DMRT1: variants seen among roughly 807,000 people sequenced by gnomAD.
The protein encoded by DMRT1 is doublesex and mab-3 related transcription factor 1, also known as doublesex- and mab-3-related transcription factor 1.
DMRT1 carries 7 observed loss-of-function variants against 32.3 expected under a neutral mutation model. The observed-to-expected ratio is 0.22, with a 90% CI of 0.12 to 0.41. The LOEUF is 0.41. DMRT1 is among the 10% of genes least tolerant of loss of function. DMRT1 has a pLI of 1.00. For missense variants in DMRT1, 625 were observed against 500.5 expected (o/e 1.25, Z -2.37); for synonymous variants, 278 against 206.1 (o/e 1.35, Z -2.99).
chr9:919,287 T>A (rs1250421585), intron 4 of DMRT1, among the ~76,000 whole-genome samples: 1 of 152,184 alleles, frequency 6.6e-6, no homozygotes, highest in Non-Finnish European at 1.5e-5. Flanking sequence ...CCATTAAATC[T>A]ATGTTCTTCA....
chr9:874,855 T>A (rs979041169), intron 2 of DMRT1, among the ~76,000 whole-genome samples: 1 of 140,382 alleles, frequency 7.1e-6, no homozygotes, highest in African/African-American at 2.7e-5. Context: ...TCACCCCAGC[T>A]GGAGTGCAGT....
intron 2 of DMRT1, among the ~76,000 whole-genome samples, chr9:879,584 G>C (rs1191721727): frequency 6.6e-6 from 1 of 152,148 alleles, no homozygotes; most frequent in Non-Finnish European, 1.5e-5. Flanking sequence ...TTACATCATT[G>C]TCACTATTCT....
intron 2 of DMRT1, among the ~76,000 whole-genome samples, chr9:869,810 C>G (rs1460618331): frequency 3.3e-5 from 5 of 152,152 alleles, no homozygotes; most frequent in Admixed American, 6.5e-5. Flanking sequence ...CTTTTCTCCT[C>G]TTCTCCCCAT....
intron 1 of DMRT1, among the ~76,000 whole-genome samples, chr9:844,608 C>CT (rs58788703): frequency 6.6e-6 from 1 of 150,968 alleles, no homozygotes; most frequent in Non-Finnish European, 1.5e-5. Flanking sequence ...AAGTCGAAGA[C>CT]TTTTTTTTGG....
intron 1 of DMRT1, among the ~76,000 whole-genome samples, chr9:844,748 T>A (rs1838831445): frequency 1.4e-5 from 2 of 142,100 alleles, no homozygotes; most frequent in Admixed American, 7.4e-5. Flanking sequence ...GAGACAGGAG[T>A]CTCGCTCTGT....
At chr9:946,264 C>CAGT (rs1206583639) in intron 4 of DMRT1, among the ~76,000 whole-genome samples, 2 of 152,044 alleles carry the variant, frequency 1.3e-5, no homozygotes, top group Admixed American at 1.3e-4. Flanking sequence ...CCAAGACTGG[C>CAGT]TGCACCTGGT....
At chr9:855,335 C>T (rs1815351945) in intron 2 of DMRT1, among the ~76,000 whole-genome samples, 2 of 152,230 alleles carry the variant, frequency 1.3e-5, no homozygotes, top group South Asian at 4.1e-4. Flanking sequence ...TTTATAACAG[C>T]ATATTAAAAA....
intron 2 of DMRT1, among the ~76,000 whole-genome samples, chr9:859,624 T>C (rs1176405107): frequency 1.3e-5 from 2 of 152,226 alleles, no homozygotes; most frequent in Non-Finnish European, 2.9e-5. Flanking sequence ...CACATAAATA[T>C]TGATTACTGT....
chr9:881,345 G>T (rs1357648795), intron 2 of DMRT1, among the ~76,000 whole-genome samples: 2 of 152,188 alleles, frequency 1.3e-5, no homozygotes, highest in African/African-American at 4.8e-5. Flanking sequence ...ATATGGTGAG[G>T]TATAATTCGG....
rs1342324489 is a variant in DMRT1 at position 965,095 on chromosome 9, A to C, written c.968-2890A>C. ...CAAAAGTTTAAGGAAGCTGCATTAA[A>C]ATGGAAAAGGTACCTCTGAGGGACG... On this transcript the variant is annotated intron_variant, in intron 4 of 4. Transcript: ENST00000382276. The surrounding 1 kb of genome is among the most constrained non-coding windows in gnomAD (Gnocchi z 4.5). Among the ~76,000 whole-genome samples the C allele has an allele frequency of 2.6e-5, 4 of 152,222 alleles. No individual in the cohort carries two copies. The highest frequency in any genetic ancestry group is 5.9e-5 in the Non-Finnish European group (4 of 68,034).
intron 4 of DMRT1, among the ~76,000 whole-genome samples, chr9:963,991 T>C (rs1180701892): frequency 6.6e-6 from 1 of 152,244 alleles, no homozygotes; most frequent in Non-Finnish European, 1.5e-5. Context: ...ATGCCACTTG[T>C]ATTTTATTTT....
At chr9:922,257 C>T (rs1818378679) in intron 4 of DMRT1, among the ~76,000 whole-genome samples, 1 of 151,656 alleles carries the variant, frequency 6.6e-6, no homozygotes, top group Admixed American at 6.6e-5. Flanking sequence ...GGGTTGGAAA[C>T]TGGAAAAAAA....
chr9:948,905 AT>A (rs1554762314), intron 4 of DMRT1, among the ~76,000 whole-genome samples: 1 of 35,180 alleles, frequency 2.8e-5, no homozygotes, highest in Non-Finnish European at 8.2e-5. Flanking sequence ...AAAATACAAA[AT>A]AATAATAATA....
At chr9:909,957 T>C (rs575996850) in intron 3 of DMRT1, among the ~76,000 whole-genome samples, 2 of 152,282 alleles carry the variant, frequency 1.3e-5, no homozygotes, top group South Asian at 4.1e-4. Context: ...CAAATAATCC[T>C]TCCTCCTCAG....
chr9:878,214 C>A (rs955679544), intron 2 of DMRT1, among the ~76,000 whole-genome samples: 7 of 131,280 alleles, frequency 5.3e-5, no homozygotes, highest in African/African-American at 2.0e-4. Context: ...CCCCCCCACC[C>A]AATAAAAATG....
chr9:843,258 T>A (rs888187351), intron 1 of DMRT1, among the ~76,000 whole-genome samples: 8 of 152,180 alleles, frequency 5.3e-5, no homozygotes, highest in African/African-American at 1.9e-4. Context: ...TCGGAAAGCC[T>A]TGTTTGTTTT....
At chr9:928,936 C>G (rs1818620093) in intron 4 of DMRT1, among the ~76,000 whole-genome samples, 1 of 151,716 alleles carries the variant, frequency 6.6e-6, no homozygotes, top group Admixed American at 6.6e-5. Context: ...CTCCCAGATT[C>G]AAGAGATTCT....
At chr9:952,155 A>C (rs1050806828) in intron 4 of DMRT1, among the ~76,000 whole-genome samples, 1 of 152,216 alleles carries the variant, frequency 6.6e-6, no homozygotes, top group African/African-American at 2.4e-5. Context: ...TTCTGAGAAC[A>C]GAGCCTTGTT....
chr9:919,374 G>T (rs1200176273), intron 4 of DMRT1, among the ~76,000 whole-genome samples: 2 of 143,658 alleles, frequency 1.4e-5, no homozygotes, highest in African/African-American at 5.1e-5. Flanking sequence ...TCTTCCTCTG[G>T]GTTTGCTATA....
Sources: allele counts gnomAD v4.1 joint callset (sites outside exome capture counted in the v4.1 genomes callset), GRCh38; gene constraint gnomAD v4.1.1; non-coding constraint Gnocchi (gnomAD v3.1); transcripts MANE v1.5; gene names NCBI Gene and HGNC (gene_info 2026-07-23, HGNC 2026-07-21).